Variants in CCDC88C observed in about 807,000 individuals in gnomAD.
CCDC88C encodes the protein coiled-coil and HOOK domain protein 88C, also known as protein Daple.
A neutral mutation model predicts 198.8 loss-of-function variants in CCDC88C; 131 were observed. The ratio of observed to expected loss-of-function variants is 0.66; its 90% CI spans 0.57 to 0.76. The LOEUF (loss-of-function observed/expected upper bound fraction) is 0.76. Ranked by LOEUF, CCDC88C falls within the 30% of genes least tolerant of loss-of-function variation. The pLI is 0.00. For missense variants in CCDC88C, 2,553 were observed against 2,631.6 expected (o/e 0.97, Z 0.65); for synonymous variants, 1,166 against 1,114.7 (o/e 1.05, Z -0.92).
Position 91,338,116 on chromosome 14 carries a change from G to A in CCDC88C, c.939C>T (p.Asp313=), listed in dbSNP as rs376202220. The change falls in exon 10 of 30, where the codon GAC becomes GAT. Residue 313 remains aspartate, a synonymous_variant. Coordinates refer to ENST00000389857, the MANE Select transcript of CCDC88C (RefSeq NM_001080414.4). The surrounding 1 kb of genome is among the most constrained non-coding windows in gnomAD (Gnocchi z 4.8). ...CCTTCTCCCGCAGGGAATCCAGCTCGTCTCGATAGGCACGAGCAGACCGGG... is the reference window on the plus strand; with the variant it reads ...CCTTCTCCCGCAGGGAATCCAGCTCATCTCGATAGGCACGAGCAGACCGGG... The part of the protein sequence containing the change: ...ADARSARAYR[D]ELDSLREKAN... 12 of 1,613,790 alleles carry A rather than the reference G, an allele frequency of 7.4e-6. No individual in the cohort carries two copies. The highest frequency in any genetic ancestry group is 1.3e-5 in the African/African-American group (1 of 74,922).
At chr14:91,275,393 C>CA (rs1451219389) in intron 29 of CCDC88C, among the ~76,000 whole-genome samples, 1 of 151,500 alleles carries the variant, frequency 6.6e-6, no homozygotes, top group Non-Finnish European at 1.5e-5. Context: ...GGGCATATAA[C>CA]AAAAAAAGAC....
intron 13 of CCDC88C, among the ~76,000 whole-genome samples, chr14:91,317,959 T>C (rs569757682): frequency 1.3e-5 from 2 of 152,326 alleles, no homozygotes; most frequent in East Asian, 3.9e-4. Flanking sequence ...CCCCAAAATA[T>C]CACTAGGCCA....
At position 91,289,212 on chromosome 14, in the gene CCDC88C, G is replaced by T. The variant is rs199836200; in HGVS notation, c.4334C>A (p.Pro1445Gln). Residue 1445 changes from proline (P) to glutamine (Q), a missense_variant, in exon 25 of 30, where the codon CCG becomes CAG. Transcript: ENST00000389857. ...WQLESSDPAS[P>Q]AASQPLRSQA... ...TGATCTGAGCGGCTGAGAGGCCGCC[G>T]GCGAGGCGGGGTCTGAGGACTCCAG... 6.2e-7 allele frequency: 1 copy of T among 1,614,022 alleles called. No homozygotes were observed. The highest frequency in any genetic ancestry group is 1.1e-5 in the South Asian group (1 of 91,080).
intron 18 of CCDC88C, 50 bp downstream of exon 18, chr14:91,306,988 G>A: frequency 1.3e-6 from 2 of 1,482,638 alleles, no homozygotes; most frequent in African/African-American, 1.4e-5. Context: ...TGATAAGGCA[G>A]TCTCTCTCTC....
At chr14:91,282,466 A>G (rs1051610264) in intron 26 of CCDC88C, among the ~76,000 whole-genome samples, 2 of 152,002 alleles carry the variant, frequency 1.3e-5, no homozygotes, top group South Asian at 4.2e-4. Context: ...GCATATTTTA[A>G]ATTTCCAAAT....
intron 4 of CCDC88C, among the ~76,000 whole-genome samples, chr14:91,358,428 C>G (rs529283704): frequency 6.6e-6 from 1 of 152,300 alleles, no homozygotes; most frequent in East Asian, 1.9e-4. Flanking sequence ...GGCCCCAGAC[C>G]TAAGGTTTCA....
rs532988818 is a variant in CCDC88C at position 91,311,260 on chromosome 14, C to T, written c.2737-1274G>A. 1.2e-4 allele frequency among the ~76,000 whole-genome samples: 19 copies of T among 152,334 alleles called. 3 individuals carry two copies. The South Asian group carries it at 3.7e-3, about 30-fold the overall frequency. On this transcript the variant is annotated intron_variant, in intron 15 of 29. Coordinates refer to ENST00000389857, the MANE Select transcript of CCDC88C (RefSeq NM_001080414.4). ...GCACAGCCTAACTAACCTACGCTAA[C>T]GAGCCGGGGCTCTGCCTGCATTCAT...
rs138489634 is a variant in CCDC88C at position 91,288,894 on chromosome 14, A to G, written c.4441+211T>C. The stretch of plus-strand genomic sequence containing the variant: ...TGAAACTCCATCTCAAAAAAATTAA[A>G]ATAAAATATAAAATAAAGTAACAAA... On this transcript the variant is annotated intron_variant, in intron 25 of 29. Transcript: ENST00000389857. This position sits in a 1 kb window ranked among gnomAD's most constrained non-coding sequence, Gnocchi z 4.2. The G allele has an allele frequency of 4.1e-6, 2 of 489,128 alleles. No homozygotes were observed. Among genetic ancestry groups the G allele is most frequent in the Non-Finnish European group, 7.2e-6 (2 of 279,096 alleles). The allele number at this position is 489,128 out of a possible 1,614,324, so 30.3% of individuals were successfully genotyped here.
intron 10 of CCDC88C, among the ~76,000 whole-genome samples, chr14:91,330,257 G>A (rs1337036690): frequency 6.6e-6 from 1 of 152,264 alleles, no homozygotes; most frequent in African/African-American, 2.4e-5. Flanking sequence ...AGCCCGCACA[G>A]TTCAGCGCCC....
At chr14:91,358,255 G>C (rs1223534322) in intron 4 of CCDC88C, among the ~76,000 whole-genome samples, 1 of 152,250 alleles carries the variant, frequency 6.6e-6, no homozygotes, top group African/African-American at 2.4e-5. Flanking sequence ...ATACGGACAG[G>C]AGAGGGGATG....
At chr14:91,392,858 G>T (rs1338457743) in intron 3 of CCDC88C, among the ~76,000 whole-genome samples, 1 of 151,866 alleles carries the variant, frequency 6.6e-6, no homozygotes, top group South Asian at 2.1e-4. Flanking sequence ...CCCGCCCTGA[G>T]TGAGTCTGCA....
chr14:91,415,797 T>C (rs1356115842), intron 2 of CCDC88C, among the ~76,000 whole-genome samples: 1 of 152,168 alleles, frequency 6.6e-6, no homozygotes, highest in Non-Finnish European at 1.5e-5. Context: ...TAAGCCACTT[T>C]CTGGATATGC....
intron 2 of CCDC88C, among the ~76,000 whole-genome samples, chr14:91,411,016 C>T (rs1281299309): frequency 1.2e-4 from 18 of 152,158 alleles, no homozygotes; most frequent in Admixed American, 1.1e-3. Context: ...ATTGTTCTCC[C>T]CAGTTCTTGC....
At position 91,314,000 on chromosome 14, in the gene CCDC88C, G is replaced by A. The variant is rs1305058808; in HGVS notation, c.1816C>T (p.Leu606Phe). 3 of 1,613,742 alleles carry A rather than the reference G, an allele frequency of 1.9e-6. No homozygotes were observed. Among genetic ancestry groups the A allele is most frequent in the Non-Finnish European group, 2.5e-6 (3 of 1,179,884 alleles). ...CGCTTCTCAAACTCCAACTGGCTGAGCTTGCCATTGGCCTCCGTCACCGTC... is the reference window on the plus strand; with the variant it reads ...CGCTTCTCAAACTCCAACTGGCTGAACTTGCCATTGGCCTCCGTCACCGTC... Reference protein sequence around the residue: ...HQTVTEANGKLSQLEFEKRQL... With the variant: ...HQTVTEANGKFSQLEFEKRQL... Residue 606 changes from leucine to phenylalanine, a missense_variant, in exon 15 of 30, where the codon CTC becomes TTC. By Grantham distance (22) the Leu-to-Phe change is conservative (BLOSUM62 0). This residue lies in a region of CCDC88C where 1,260 missense variants were observed against 1,412.0 expected (regional missense o/e 0.89). Coordinates refer to ENST00000389857, the MANE Select transcript of CCDC88C (RefSeq NM_001080414.4). The surrounding 1 kb of genome is among the most constrained non-coding windows in gnomAD (Gnocchi z 5.2).
intron 3 of CCDC88C, among the ~76,000 whole-genome samples, chr14:91,403,910 C>T (rs758373418): frequency 1.2e-4 from 18 of 152,248 alleles, no homozygotes; most frequent in East Asian, 1.2e-3. Flanking sequence ...CTAGCCTGGG[C>T]GACAGAGAGA....
rs2295881 is a variant in CCDC88C at position 91,408,591 on chromosome 14, G to A, written c.270+68C>T. On this transcript the variant is annotated intron_variant, in intron 3 of 29. Transcript: ENST00000389857. ...CACCGTTTCCTCCCGGCCTCCTGTG[G>A]GAAAACCGTGACAGTGACGATACTG... 151 of 1,019,658 alleles carry A rather than the reference G, an allele frequency of 1.5e-4. 2 individuals carry two copies. The East Asian group carries it at 3.6e-3, about 24-fold the overall frequency. The allele number at this position is 1,019,658 out of a possible 1,614,324, so 63.2% of individuals were successfully genotyped here.
intron 3 of CCDC88C, among the ~76,000 whole-genome samples, chr14:91,399,414 T>C (rs1262339008): frequency 2.0e-5 from 3 of 152,282 alleles, no homozygotes; most frequent in Middle Eastern, 3.4e-3. Context: ...TAGAGTCTCC[T>C]AGAGCTCGTC....
intron 3 of CCDC88C, among the ~76,000 whole-genome samples, chr14:91,400,324 G>C (rs1886098701): frequency 6.6e-6 from 1 of 152,242 alleles, no homozygotes; most frequent in African/African-American, 2.4e-5. Flanking sequence ...GGATCGGGAG[G>C]AGGACGGGGG....
intron 3 of CCDC88C, among the ~76,000 whole-genome samples, chr14:91,366,886 C>T (rs1363789442): frequency 6.6e-6 from 1 of 152,200 alleles, no homozygotes; most frequent in Non-Finnish European, 1.5e-5. Flanking sequence ...TAACAACCTG[C>T]CAGGGCCATC....
Sources: allele counts gnomAD v4.1 joint callset (sites outside exome capture counted in the v4.1 genomes callset), GRCh38; gene constraint gnomAD v4.1.1; regional missense constraint gnomAD v4.1.1; non-coding constraint Gnocchi (gnomAD v3.1); transcripts MANE v1.5; gene names NCBI Gene and HGNC (gene_info 2026-07-23, HGNC 2026-07-21).